The following NRG1 variants were observed in gnomAD, a reference collection of about 807,000 sequenced individuals.
NRG1 encodes neuregulin 1, also known as pro-neuregulin-1, membrane-bound isoform.
Under a neutral mutation model 63.8 loss-of-function variants are expected in NRG1, and 18 were observed. That is an observed-to-expected ratio of 0.28 (90% CI 0.19 to 0.42). The LOEUF is 0.42. NRG1 is among the 10% of genes least tolerant of loss of function. The pLI is 1.00. For synonymous variants in NRG1, 302 were observed against 301.3 expected (o/e 1.00, Z -0.02); for missense variants, 762 against 814.7 (o/e 0.94, Z 0.79).
At chr8:31,642,014 A>T (rs188345033) in intron 1 of NRG1, among the ~76,000 whole-genome samples, 98 of 152,324 alleles carry the variant, frequency 6.4e-4, no homozygotes, top group African/African-American at 2.1e-3. Flanking sequence ...TTATCTGAAC[A>T]ATGTACTTTG....
chr8:31,781,050 C>T (rs949808526), intron 1 of NRG1, among the ~76,000 whole-genome samples: 1 of 152,106 alleles, frequency 6.6e-6, no homozygotes, highest in East Asian at 1.9e-4. Flanking sequence ...ATAACAGCCT[C>T]CATTTATTAT....
chr8:32,381,891 A>G (rs1270707505), intron 1 of NRG1, among the ~76,000 whole-genome samples: 1 of 152,254 alleles, frequency 6.6e-6, no homozygotes. Flanking sequence ...AAGTAAATAT[A>G]GACAAAATAA....
chr8:32,321,683 G>A (rs1359893739), intron 1 of NRG1, among the ~76,000 whole-genome samples: 1 of 151,866 alleles, frequency 6.6e-6, no homozygotes, highest in Non-Finnish European at 1.5e-5. Flanking sequence ...AGTAATCATT[G>A]AAGATGCTAA....
intron 1 of NRG1, among the ~76,000 whole-genome samples, chr8:32,200,424 A>G (rs923154021): frequency 2.0e-5 from 3 of 151,650 alleles, no homozygotes; most frequent in Non-Finnish European, 2.9e-5. Flanking sequence ...GATTTTTTTA[A>G]CCGTTTTGTC....
intron 2 of NRG1, among the ~76,000 whole-genome samples, chr8:32,602,811 C>T (rs1016964493): frequency 5.3e-5 from 8 of 152,028 alleles, no homozygotes; most frequent in Middle Eastern, 3.4e-3. Context: ...CACTATTTTT[C>T]AAAGGTACCT....
intron 1 of NRG1, among the ~76,000 whole-genome samples, chr8:31,838,259 A>G (rs1203453715): frequency 2.0e-5 from 3 of 152,110 alleles, no homozygotes; most frequent in Non-Finnish European, 4.4e-5. Context: ...AAATTTTAAT[A>G]TATCTTTGAG....
chr8:32,286,345 A>G (rs1045181755), intron 1 of NRG1, among the ~76,000 whole-genome samples: 13 of 152,248 alleles, frequency 8.5e-5, no homozygotes, highest in African/African-American at 3.1e-4. Flanking sequence ...GAAGGCAGCC[A>G]GCAAGGTAGG....
At chr8:32,198,724 C>T (rs1396298978) in intron 1 of NRG1, among the ~76,000 whole-genome samples, 1 of 152,152 alleles carries the variant, frequency 6.6e-6, no homozygotes, top group African/African-American at 2.4e-5. Context: ...AAGCTCTAAT[C>T]AATTAACTTT....
intron 1 of NRG1, among the ~76,000 whole-genome samples, chr8:32,064,615 T>C (rs1489126265): frequency 1.3e-5 from 2 of 152,134 alleles, no homozygotes; most frequent in Non-Finnish European, 2.9e-5. Flanking sequence ...GTCTTTTTCA[T>C]TGAGAAATGT....
chr8:31,825,301 T>G (rs896305421), intron 1 of NRG1, among the ~76,000 whole-genome samples: 1 of 151,058 alleles, frequency 6.6e-6, no homozygotes, highest in African/African-American at 2.4e-5. Context: ...GGCAGGAGAA[T>G]GGCATGAACC....
intron 1 of NRG1, among the ~76,000 whole-genome samples, chr8:32,447,395 A>G (rs185614993): frequency 2.6e-5 from 4 of 152,294 alleles, no homozygotes; most frequent in Admixed American, 1.3e-4. Context: ...TAGCAAGTCC[A>G]TCTGAAACAC....
At chr8:31,958,052 T>TAGAC (rs1170523410) in intron 1 of NRG1, among the ~76,000 whole-genome samples, 3 of 150,774 alleles carry the variant, frequency 2.0e-5, no homozygotes, top group Non-Finnish European at 4.4e-5. Context: ...ACCAGATAGA[T>TAGAC]AGATAGATAG....
At chr8:31,911,954 C>T (rs1003985658) in intron 1 of NRG1, among the ~76,000 whole-genome samples, 3 of 152,026 alleles carry the variant, frequency 2.0e-5, no homozygotes, top group Admixed American at 1.3e-4. Flanking sequence ...TTTGCAGTCC[C>T]GGATTCATTG....
At chr8:32,061,330 T>A (rs1178058502) in intron 1 of NRG1, among the ~76,000 whole-genome samples, 3 of 152,024 alleles carry the variant, frequency 2.0e-5, no homozygotes, top group Non-Finnish European at 4.4e-5. Flanking sequence ...GATATTGTCT[T>A]ATCCCTGAGT....
At chr8:32,136,648 A>G (rs1272426915) in intron 1 of NRG1, 1 of 152,194 alleles carries the variant, frequency 6.6e-6, no homozygotes, top group East Asian at 1.9e-4. Context: ...GCCTTAACAC[A>G]TGATCATATG....
chr8:32,671,911 C>T (rs142798294), intron 5 of NRG1, among the ~76,000 whole-genome samples: 2 of 152,124 alleles, frequency 1.3e-5, no homozygotes, highest in Admixed American at 1.3e-4. Flanking sequence ...TTTTGTGTTA[C>T]TTTTCCAAAC....
chr8:32,661,517 A>G (rs1397960438), intron 5 of NRG1, among the ~76,000 whole-genome samples: 1 of 152,152 alleles, frequency 6.6e-6, no homozygotes, highest in Admixed American at 6.5e-5. Flanking sequence ...TACTTTACTC[A>G]TGGGGAAACT....
At chr8:32,006,521 A>G (rs942027350) in intron 1 of NRG1, among the ~76,000 whole-genome samples, 6 of 152,076 alleles carry the variant, frequency 3.9e-5, no homozygotes, top group African/African-American at 1.4e-4. Context: ...TGTTCAAAGC[A>G]GAGAAATTTC....
chr8:31,770,732 G>A (rs1278235897), intron 1 of NRG1, among the ~76,000 whole-genome samples: 5 of 148,262 alleles, frequency 3.4e-5, no homozygotes, highest in African/African-American at 7.4e-5. Flanking sequence ...AAACCTACAC[G>A]TTGTGCACAT....
Sources: allele counts gnomAD v4.1 joint callset (sites outside exome capture counted in the v4.1 genomes callset), GRCh38; gene constraint gnomAD v4.1.1; transcripts MANE v1.5; gene names NCBI Gene and HGNC (gene_info 2026-07-23, HGNC 2026-07-21).